The following NCALD variants were observed in gnomAD, a reference collection of about 807,000 sequenced individuals.
NCALD encodes the protein neurocalcin delta, also known as neurocalcin-delta.
Under a neutral mutation model 18.6 loss-of-function variants are expected in NCALD, and 10 were observed. The ratio of observed to expected loss-of-function variants is 0.54; its 90% CI spans 0.33 to 0.91. The LOEUF (loss-of-function observed/expected upper bound fraction) is 0.91. NCALD is among the 40% of genes least tolerant of loss of function. The pLI, the probability that NCALD is intolerant of heterozygous loss-of-function variation, is 0.03. For synonymous variants in NCALD, 88 were observed against 87.4 expected (o/e 1.01, Z -0.04); for missense variants, 184 against 247.6 (o/e 0.74, Z 1.72).
intron 2 of NCALD, among the ~76,000 whole-genome samples, chr8:101,935,945 G>A (rs1389474711): frequency 6.6e-6 from 1 of 152,106 alleles, no homozygotes; most frequent in Non-Finnish European, 1.5e-5. Flanking sequence ...CGGAGCACAC[G>A]ATTAGTGCTG....
rs188965293 is a variant in NCALD at position 101,861,706 on chromosome 8, T to C, written c.-20+25435A>G. ...GAGCACCTGCTATAAAAGATAACCT[T>C]AGGTTTCTATTGTGTTCTCTCACAT... On this transcript the variant is annotated intron_variant, in intron 4 of 6. Coordinates refer to the NCALD transcript ENST00000311028. Among the ~76,000 whole-genome samples the C allele has an allele frequency of 1.9e-3, 285 of 152,286 alleles. 3 individuals carry two copies. The highest frequency in any genetic ancestry group is 5.4e-3 in the African/African-American group (224 of 41,570).
chr8:101,691,245 C>T, intron 3 of NCALD: 3 of 984,568 alleles, frequency 3.0e-6, no homozygotes, highest in Non-Finnish European at 3.6e-6. Context: ...CCTTCTACAG[C>T]TCCCACCCCC....
At chr8:102,037,611 A>AT (rs1822915862) in intron 1 of NCALD, among the ~76,000 whole-genome samples, 2 of 151,258 alleles carry the variant, frequency 1.3e-5, no homozygotes, top group Non-Finnish European at 2.9e-5. Flanking sequence ...GATTAAGGGC[A>AT]TTTTTTATTT....
At chr8:102,086,984 A>G (rs1824758849) in intron 1 of NCALD, among the ~76,000 whole-genome samples, 2 of 152,318 alleles carry the variant, frequency 1.3e-5, no homozygotes, top group South Asian at 4.2e-4. Flanking sequence ...AACTTACCCT[A>G]TATGGTCTAC....
At chr8:102,054,992 ACT>A (rs1390960117) in intron 1 of NCALD, among the ~76,000 whole-genome samples, 1 of 151,806 alleles carries the variant, frequency 6.6e-6, no homozygotes, top group Non-Finnish European at 1.5e-5. Flanking sequence ...GACAGAGGGC[ACT>A]CTCTCAGGCT....
intron 2 of NCALD, among the ~76,000 whole-genome samples, chr8:101,699,751 G>A (rs1251625064): frequency 6.6e-6 from 1 of 152,098 alleles, no homozygotes; most frequent in Non-Finnish European, 1.5e-5. Flanking sequence ...CACACACTGG[G>A]GCCAGTTGTG....
At chr8:101,891,863 C>T (rs557491414) in intron 3 of NCALD, among the ~76,000 whole-genome samples, 25 of 152,332 alleles carry the variant, frequency 1.6e-4, no homozygotes, top group African/African-American at 4.3e-4. Flanking sequence ...GAGGGTCCTA[C>T]GCCCACGGAA....
intron 2 of NCALD, among the ~76,000 whole-genome samples, chr8:101,709,833 G>A (rs919544453): frequency 6.6e-6 from 1 of 152,238 alleles, no homozygotes; most frequent in African/African-American, 2.4e-5. Flanking sequence ...ACCAATGGGA[G>A]GAGAGAATCT....
At chr8:101,796,149 C>A (rs1220124860) in intron 4 of NCALD, among the ~76,000 whole-genome samples, 2 of 152,070 alleles carry the variant, frequency 1.3e-5, no homozygotes, top group Non-Finnish European at 2.9e-5. Flanking sequence ...CTCACAAAAG[C>A]CAGGATCCAC....
At chr8:102,076,153 T>TA (rs139419899) in intron 1 of NCALD, among the ~76,000 whole-genome samples, 24 of 152,078 alleles carry the variant, frequency 1.6e-4, no homozygotes, top group African/African-American at 5.3e-4. Flanking sequence ...CAAAAAGGAA[T>TA]AAAAAAATAA....
At chr8:101,751,078 G>A (rs1810636693) in intron 1 of NCALD, among the ~76,000 whole-genome samples, 1 of 152,116 alleles carries the variant, frequency 6.6e-6, no homozygotes, top group Non-Finnish European at 1.5e-5. Context: ...TAGCTCAAAG[G>A]TAGAAACAAC....
In NCALD at chr8:101,941,565, A is replaced by G. The variant is rs114321365; in HGVS notation, c.-156-25707T>C. Among the ~76,000 whole-genome samples, 682 of 152,356 alleles carry G rather than the reference A, an allele frequency of 4.5e-3. 6 individuals carry two copies. The highest frequency in any genetic ancestry group is 0.016 in the African/African-American group (663 of 41,584). On this transcript the variant is annotated intron_variant, in intron 2 of 6. Coordinates refer to the NCALD transcript ENST00000311028. ...ATATGTATATAAACTAGTGTTTATG[A>G]TTCTTCTCATGCATAACAAACTTAT... is the stretch of plus-strand genomic sequence containing the variant.
At position 101,992,618 on chromosome 8, in the gene NCALD, G is replaced by A. The variant is rs147417513; in HGVS notation, c.-157+27619C>T. 3.7e-4 allele frequency among the ~76,000 whole-genome samples: 57 copies of A among 152,188 alleles called. No individual in the cohort carries two copies. The East Asian group carries it at 7.3e-3, about 20-fold the overall frequency. On this transcript the variant is annotated intron_variant, in intron 2 of 6. Transcript: ENST00000311028. ...ACATCTCTCTGTCCCAATTATAAACGGGAATAATAATGGGTTGTTGTAAGG... is the reference window on the plus strand; with the variant it reads ...ACATCTCTCTGTCCCAATTATAAACAGGAATAATAATGGGTTGTTGTAAGG...
chr8:102,057,280 A>ACG, intron 1 of NCALD, among the ~76,000 whole-genome samples: 1 of 151,828 alleles, frequency 6.6e-6, no homozygotes. Flanking sequence ...ACACACACAC[A>ACG]CACACATATG....
intron 1 of NCALD, among the ~76,000 whole-genome samples, chr8:101,743,832 T>C (rs1211988726): frequency 6.6e-6 from 1 of 152,216 alleles, no homozygotes; most frequent in Non-Finnish European, 1.5e-5. Flanking sequence ...CTGCTCCTAA[T>C]TGCTAAGGGA....
intron 3 of NCALD, among the ~76,000 whole-genome samples, chr8:101,888,442 G>A (rs1816753095): frequency 6.6e-6 from 1 of 152,000 alleles, no homozygotes; most frequent in African/African-American, 2.4e-5. Context: ...TCGGGAGACA[G>A]AGTTTCACTC....
rs144171857 is a variant in NCALD, at chr8:101,779,388, T to C, written c.-20+11474A>G. Among the ~76,000 whole-genome samples, 1,401 of 152,226 alleles carry C rather than the reference T, an allele frequency of 9.2e-3. 12 individuals are homozygous for C. Among genetic ancestry groups the C allele is most frequent in the Non-Finnish European group, 0.013 (887 of 67,996 alleles). Reference sequence around the variant, plus strand: ...AAGCACCAACAATTAAACTATGACATGCCACATATGTACTGAAGATTTTAG... The same window carrying C: ...AAGCACCAACAATTAAACTATGACACGCCACATATGTACTGAAGATTTTAG... On this transcript the variant is annotated intron_variant, in intron 1 of 3. Coordinates refer to ENST00000220931, the MANE Select transcript of NCALD (RefSeq NM_032041.3).
intron 1 of NCALD, among the ~76,000 whole-genome samples, chr8:102,101,568 T>C (rs1825283714): frequency 6.6e-6 from 1 of 152,218 alleles, no homozygotes; most frequent in African/African-American, 2.4e-5. Flanking sequence ...ATCGCAACCA[T>C]AACCTTATTC....
At chr8:102,004,251 C>T (rs1821603310) in intron 2 of NCALD, among the ~76,000 whole-genome samples, 1 of 152,050 alleles carries the variant, frequency 6.6e-6, no homozygotes, top group African/African-American at 2.4e-5. Flanking sequence ...AAAGAGAGAG[C>T]CAAATCATGA....
Sources: gnomAD v4.1 joint callset for allele counts (sites outside exome capture counted in the v4.1 genomes callset) on GRCh38, gnomAD v4.1.1 for gene constraint, MANE v1.5 for transcripts, NCBI Gene and HGNC (gene_info 2026-07-23, HGNC 2026-07-21) for gene names.